Variants in MOGAT3 observed in about 807,000 individuals in gnomAD.
MOGAT3 encodes the protein 2-acylglycerol O-acyltransferase 3.
MOGAT3 carries 39 observed loss-of-function variants against 34.4 expected under a neutral mutation model. The ratio of observed to expected loss-of-function variants is 1.13; its 90% CI spans 0.88 to 1.48. The LOEUF is 1.48. MOGAT3 is among the 40% of genes most tolerant of loss of function. MOGAT3 has a pLI of 0.00. For missense variants in MOGAT3, 439 were observed against 438.9 expected (o/e 1.00, Z 0.00); for synonymous variants, 209 against 179.2 (o/e 1.17, Z -1.33).
chr7:101,200,897 G>A lies in MOGAT3; in HGVS notation c.-43C>T. On this transcript the variant is annotated 5_prime_UTR_variant, in exon 1 of 7. Transcript: ENST00000223114. ...TCCAGCAGGATCCCAGAACCCGGAGGACAAACGATGAAGGCTTGGATGTGG... is the reference window on the plus strand; with the variant it reads ...TCCAGCAGGATCCCAGAACCCGGAGAACAAACGATGAAGGCTTGGATGTGG... 6.6e-7 allele frequency: 1 copy of A among 1,512,866 alleles called. No individual in the cohort carries two copies. The highest frequency in any genetic ancestry group is 9.1e-7 in the Non-Finnish European group (1 of 1,101,732). The allele number at this position is 1,512,866 out of a possible 1,614,324, so 93.7% of individuals were successfully genotyped here. A position where few individuals can be genotyped will look rare whatever the true frequency, so the allele number is the denominator to read the frequency against.
At position 101,199,761 on chromosome 7, in the gene MOGAT3, T is replaced by C. The variant is rs894329323; in HGVS notation, c.288+473A>G. Among the ~76,000 whole-genome samples, 5 of 150,346 alleles carry C rather than the reference T, an allele frequency of 3.3e-5. No homozygotes were observed. In the South Asian group the frequency reaches 1.1e-3, roughly 33 times the overall value. ...TCCCAAAGTGCTTGGATTACAGGCA[T>C]GAGCCATGGTGCCCCACCAAGGCCC... On this transcript the variant is annotated intron_variant, in intron 3 of 6. Coordinates refer to ENST00000223114, the MANE Select transcript of MOGAT3 (RefSeq NM_178176.4).
Position 101,201,034 on chromosome 7 carries a change from G to T in MOGAT3, c.-180C>A. 3.7e-6 allele frequency: 2 copies of T among 540,926 alleles called. No individual in the cohort carries two copies. The highest frequency in any genetic ancestry group is 6.6e-6 in the Non-Finnish European group (2 of 302,270). The allele number at this position is 540,926 out of a possible 1,614,324, so 33.5% of individuals were successfully genotyped here. On this transcript the variant is annotated 5_prime_UTR_variant, in exon 1 of 7. Transcript: ENST00000223114. ...AGGTGTGTGAGTGGGGAGATCTTTG[G>T]ATCCAGAGCCCCAGATGTCTCTGGG...
downstream of MOGAT3, among the ~76,000 whole-genome samples, chr7:101,194,072 C>T (rs1797730139): frequency 6.6e-6 from 1 of 152,200 alleles, no homozygotes; most frequent in Non-Finnish European, 1.5e-5. Context: ...CGGCTCACTG[C>T]ACCCTTGACC....
intron 5 of MOGAT3, among the ~76,000 whole-genome samples, chr7:101,197,834 C>T (rs890792371): frequency 6.6e-6 from 1 of 152,176 alleles, no homozygotes; most frequent in Non-Finnish European, 1.5e-5. Flanking sequence ...CGCCTTTGCA[C>T]TCCAGCCTGG....
chr7:101,198,910 G>T, intron 3 of MOGAT3, 80 bp from the exon 4 acceptor site: 1 of 1,314,106 alleles, frequency 7.6e-7, no homozygotes, highest in African/African-American at 1.5e-5. Context: ...CCCCAACAGA[G>T]TTCCGAGTTA....
At chr7:101,198,882 G>T in intron 3 of MOGAT3, 52 bp from the exon 4 acceptor site, 1 of 1,521,134 alleles carries the variant, frequency 6.6e-7, no homozygotes. Flanking sequence ...GACACCGGCT[G>T]AAAAGAGGGG....
chr7:101,196,833 C>G (rs1225425512), intron 5 of MOGAT3, among the ~76,000 whole-genome samples: 2 of 152,154 alleles, frequency 1.3e-5, no homozygotes, highest in Non-Finnish European at 2.9e-5. Context: ...CACACCACTG[C>G]ACTTCAGTCT....
chr7:101,196,960 C>T (rs569730932), intron 5 of MOGAT3, among the ~76,000 whole-genome samples: 17 of 151,898 alleles, frequency 1.1e-4, no homozygotes, highest in African/African-American at 3.6e-4. Flanking sequence ...GTCAGGAGTT[C>T]GAGACCACCC....
In MOGAT3 at chr7:101,200,505, G is replaced by A. The variant is rs1193294667; in HGVS notation, c.120C>T (p.Phe40=). 1.9e-6 allele frequency: 3 copies of A among 1,593,332 alleles called. No homozygotes were observed. Among genetic ancestry groups the A allele is most frequent in the Non-Finnish European group, 2.6e-6 (3 of 1,169,346 alleles). ...AGAGGAGGACAAAGACAAGAAGGGAGAAGAAAGGGCCTGGGGGAAGGGAGA... is the reference window on the plus strand; with the variant it reads ...AGAGGAGGACAAAGACAAGAAGGGAAAAGAAAGGGCCTGGGGGAAGGGAGA... ...VLTFLFMGPF[F]SLLVFVLLFT... The change falls in exon 2 of 7, where the codon TTC becomes TTT. Residue 40 remains phenylalanine, a synonymous_variant. Transcript: ENST00000223114.
intron 5 of MOGAT3, 138 bp from the exon 6 acceptor site, chr7:101,196,527 CAAAG>C: frequency 1.7e-6 from 1 of 600,704 alleles, no homozygotes; most frequent in South Asian, 2.2e-5. Flanking sequence ...ACTATGGCTA[CAAAG>C]AAAGATCTAG....
chr7:101,194,526 G>A (rs1325069525), downstream of MOGAT3, among the ~76,000 whole-genome samples: 7 of 130,862 alleles, frequency 5.3e-5, no homozygotes, highest in Non-Finnish European at 9.5e-5. Context: ...TTTTTGAGAC[G>A]GAGTCTGGCT....
At chr7:101,198,164 A>G in intron 5 of MOGAT3, 27 bp downstream of exon 5, 1 of 1,588,170 alleles carries the variant, frequency 6.3e-7, no homozygotes, top group Non-Finnish European at 8.6e-7. Context: ...CAGAGAACTG[A>G]CAGGTAGGGC....
rs750805578 is a variant in MOGAT3, at chr7:101,196,078, G to A, written c.894C>T (p.Pro298=). The A allele has an allele frequency of 1.2e-6, 2 of 1,612,286 alleles. No individual in the cohort carries two copies. The highest frequency in any genetic ancestry group is 1.7e-5 in the Admixed American group (1 of 59,768). The change falls in exon 7 of 7, where the codon CCC becomes CCT. Residue 298 remains proline, a synonymous_variant. Coordinates refer to ENST00000223114, the MANE Select transcript of MOGAT3 (RefSeq NM_178176.4). ...CCTCCTCGGTGGGGTGGAGGCGCTG[G>A]GGGACGGGGATGGGGCGGCCCACTG... The part of the protein sequence containing the change: ...TTVVGRPIPV[P]QRLHPTEEEV...
chr7:101,194,209 C>T (rs535910092), downstream of MOGAT3, among the ~76,000 whole-genome samples: 7 of 151,244 alleles, frequency 4.6e-5, no homozygotes, highest in South Asian at 2.1e-4. Context: ...TCTTTTTAGC[C>T]GGAGTTTCAC....
chr7:101,193,471 C>T (rs1160178771), downstream of MOGAT3, among the ~76,000 whole-genome samples: 4 of 152,134 alleles, frequency 2.6e-5, no homozygotes, highest in Non-Finnish European at 5.9e-5. Flanking sequence ...ACTCTGTCGC[C>T]CAGGCTGGAG....
At chr7:101,200,157 C>A in intron 3 of MOGAT3, 77 bp downstream of exon 3, 1 of 1,281,436 alleles carries the variant, frequency 7.8e-7, no homozygotes, top group South Asian at 1.2e-5. Flanking sequence ...CAGGCCCCAG[C>A]ACAAGGAAGG....
Position 101,200,958 on chromosome 7 carries a change from T to C in MOGAT3, c.-104A>G, listed in dbSNP as rs1797941314. ...ACTTTCTCCCTACAGGAGCCCAGCT[T>C]TGGGGGCCTGGCTAAGTCGCAAATC... On this transcript the variant is annotated 5_prime_UTR_variant, in exon 1 of 7. Coordinates refer to ENST00000223114, the MANE Select transcript of MOGAT3 (RefSeq NM_178176.4). The C allele has an allele frequency of 1.1e-6, 1 of 886,548 alleles. No homozygotes were observed. Among genetic ancestry groups the C allele is most frequent in the Admixed American group, 2.6e-5 (1 of 38,162 alleles). The allele number at this position is 886,548 out of a possible 1,614,324, so 54.9% of individuals were successfully genotyped here.
chr7:101,200,665 C>A, intron 1 of MOGAT3, 81 bp downstream of exon 1: 1 of 1,372,282 alleles, frequency 7.3e-7, no homozygotes, highest in Non-Finnish European at 1.0e-6. Context: ...CTCAGGCATG[C>A]AAGCCAGCAG....
At chr7:101,198,864 G>A in intron 3 of MOGAT3, 34 bp from the exon 4 acceptor site, 1 of 1,600,002 alleles carries the variant, frequency 6.2e-7, no homozygotes, top group Non-Finnish European at 8.6e-7. Context: ...AGGGAGGATG[G>A]AAGGCAAGAC....
Sources: allele counts gnomAD v4.1 joint callset (sites outside exome capture counted in the v4.1 genomes callset), GRCh38; gene constraint gnomAD v4.1.1; transcripts MANE v1.5; gene names NCBI Gene and HGNC (gene_info 2026-07-23, HGNC 2026-07-21).